CLEC16A: variants seen among roughly 807,000 people sequenced by gnomAD.
CLEC16A encodes protein CLEC16A.
In CLEC16A, 51 loss-of-function variants were observed where a neutral mutation model predicts 109.5. The ratio of observed to expected loss-of-function variants is 0.47; its 90% CI spans 0.37 to 0.59. The LOEUF (loss-of-function observed/expected upper bound fraction) is 0.59. Among genes scored for constraint, CLEC16A ranks in the 20% least tolerant of loss-of-function variants. The pLI is 0.00. For missense variants in CLEC16A, 1,339 were observed against 1,394.0 expected (o/e 0.96, Z 0.63); for synonymous variants, 673 against 564.2 (o/e 1.19, Z -2.73).
In CLEC16A at chr16:11,044,087, A is replaced by G. The variant is rs1043030331; in HGVS notation, c.1815+15A>G. 1 of 1,602,498 alleles carries G rather than the reference A, an allele frequency of 6.2e-7. No individual in the cohort carries two copies. The highest frequency in any genetic ancestry group is 1.1e-5 in the South Asian group (1 of 89,742). ...ATTTTTATAAGGTAATTGGCAGAGC[A>G]CAGATGGACAGCAGCATGGTGTGTA... On this transcript the variant is annotated intron_variant, in intron 16 of 23. Coordinates refer to ENST00000409790, the MANE Select transcript of CLEC16A (RefSeq NM_015226.3).
chr16:11,181,835 C>G lies in CLEC16A; in HGVS notation c.*3145C>G, dbSNP rs2068966481. On this transcript the variant is annotated 3_prime_UTR_variant, in exon 24 of 24. Coordinates refer to ENST00000409790, the MANE Select transcript of CLEC16A (RefSeq NM_015226.3). Reference sequence around the variant, plus strand: ...CAGACGCGCTAGATTCCTCTAAGGTCTCTGAGATGCACCGTTTTTTAAAAA... The same window carrying G: ...CAGACGCGCTAGATTCCTCTAAGGTGTCTGAGATGCACCGTTTTTTAAAAA... 6.6e-6 allele frequency: 1 copy of G among 152,648 alleles called. No homozygotes were observed. The highest frequency in any genetic ancestry group is 2.4e-5 in the African/African-American group (1 of 41,456). 9.5% of individuals were successfully genotyped at this position (152,648 alleles called of 1,614,324 possible).
chr16:11,051,624 G>A lies in CLEC16A; in HGVS notation c.1978G>A (p.Val660Met), dbSNP rs745486316. 6 of 1,613,998 alleles carry A rather than the reference G, an allele frequency of 3.7e-6. No homozygotes were observed. The East Asian group carries it at 1.3e-4, about 36-fold the overall frequency. ...DFVKRLPCGD[V>M]EKTRRAIRVF... Reference sequence around the variant, plus strand: ...CGTGAAGCGGCTGCCGTGTGGCGATGTGGAGAAGACCCGGCGGGTGAGTGA... The same window carrying A: ...CGTGAAGCGGCTGCCGTGTGGCGATATGGAGAAGACCCGGCGGGTGAGTGA... The change falls in exon 18 of 24, where the codon GTG (valine) becomes ATG (methionine). Residue 660 changes from valine (V) to methionine (M), a missense_variant. This residue lies in a region of CLEC16A where 1,061 missense variants were observed against 1,006.8 expected (regional missense o/e 1.05). Transcript: ENST00000409790.
At chr16:10,973,498 A>G (rs1389545525) in intron 7 of CLEC16A, among the ~76,000 whole-genome samples, 1 of 152,194 alleles carries the variant, frequency 6.6e-6, no homozygotes, top group Admixed American at 6.5e-5. Flanking sequence ...TAGGGGCAGA[A>G]AGTAGATTCG....
At chr16:11,062,356 A>G (rs1478260878) in intron 19 of CLEC16A, among the ~76,000 whole-genome samples, 4 of 152,216 alleles carry the variant, frequency 2.6e-5, no homozygotes, top group Admixed American at 6.5e-5. Flanking sequence ...GTATAATTCA[A>G]TGAGTTTTGA....
chr16:11,165,339 A>C (rs1010121914), intron 22 of CLEC16A, among the ~76,000 whole-genome samples: 2 of 152,016 alleles, frequency 1.3e-5, no homozygotes, highest in African/African-American at 4.8e-5. Flanking sequence ...CAAAAAAAAA[A>C]AAATTATTTG....
intron 3 of CLEC16A, among the ~76,000 whole-genome samples, chr16:10,966,802 A>G (rs150684240): frequency 0.016 from 2,483 of 152,250 alleles, 64 homozygotes; most frequent in African/African-American, 0.056. Context: ...CCATGATTCA[A>G]TTATCTCCAC....
At chr16:11,014,205 C>G (rs2045604749) in intron 11 of CLEC16A, among the ~76,000 whole-genome samples, 2 of 152,096 alleles carry the variant, frequency 1.3e-5, no homozygotes, top group African/African-American at 4.8e-5. Context: ...CTTTTCCTTT[C>G]TTACATACAG....
rs1213293840 is a variant in CLEC16A, at chr16:11,174,331, T to C, written c.2807-4004T>C. ...CGCGACGTCCACTCGCCACGCTGCATTTCCACAGTCGGCAGGGTCCGCGCT... is the reference window on the plus strand; with the variant it reads ...CGCGACGTCCACTCGCCACGCTGCACTTCCACAGTCGGCAGGGTCCGCGCT... On this transcript the variant is annotated intron_variant, in intron 23 of 23. Coordinates refer to ENST00000409790, the MANE Select transcript of CLEC16A (RefSeq NM_015226.3). The surrounding 1 kb of genome is among the most constrained non-coding windows in gnomAD (Gnocchi z 4.7). The C allele has an allele frequency of 2.4e-6, 1 of 424,468 alleles. No individual in the cohort carries two copies. The highest frequency in any genetic ancestry group is 2.0e-5 in the African/African-American group (1 of 49,476). 26.3% of individuals were successfully genotyped at this position (424,468 alleles called of 1,614,324 possible). A position where few individuals can be genotyped will look rare whatever the true frequency, so the allele number is the denominator to read the frequency against.
At chr16:11,021,102 C>T (rs2046072711) in intron 12 of CLEC16A, among the ~76,000 whole-genome samples, 1 of 152,222 alleles carries the variant, frequency 6.6e-6, no homozygotes. Context: ...TTCCTCAGCC[C>T]CTAGGGAGGG....
Position 10,944,750 on chromosome 16 carries a change from G to T in CLEC16A, c.33G>T (p.Gly11=), listed in dbSNP as rs1269254261. 7 of 1,609,672 alleles carry T rather than the reference G, an allele frequency of 4.3e-6. No homozygotes were observed. Among genetic ancestry groups the T allele is most frequent in the Non-Finnish European group, 3.4e-6 (4 of 1,178,896 alleles). Residue 11 remains glycine, a synonymous_variant, in exon 1 of 24, where the codon GGG becomes GGT. Coordinates refer to ENST00000409790, the MANE Select transcript of CLEC16A (RefSeq NM_015226.3). MFGRSRSWVG[G]GHGKTSRNIH... is the part of the protein sequence containing the mutation. ...GCCGCTCGCGGAGCTGGGTGGGCGGGGGCCATGGCAAGACTTCCCGCAACA... is the reference window on the plus strand; with the variant it reads ...GCCGCTCGCGGAGCTGGGTGGGCGGTGGCCATGGCAAGACTTCCCGCAACA...
At chr16:11,108,252 G>T (rs76161431) in intron 19 of CLEC16A, among the ~76,000 whole-genome samples, 2 of 152,252 alleles carry the variant, frequency 1.3e-5, no homozygotes, top group Admixed American at 6.5e-5. Flanking sequence ...TCTCCTGCAT[G>T]CCAGGAAGAG....
At chr16:10,962,862 A>G (rs983452630) in intron 3 of CLEC16A, among the ~76,000 whole-genome samples, 6 of 152,178 alleles carry the variant, frequency 3.9e-5, no homozygotes, top group Admixed American at 3.9e-4. Flanking sequence ...GTTTGAGAAC[A>G]GCCTGGACAA....
At chr16:11,165,920 C>A (rs1018289443) in intron 22 of CLEC16A, among the ~76,000 whole-genome samples, 3 of 152,134 alleles carry the variant, frequency 2.0e-5, no homozygotes, top group Admixed American at 2.0e-4. Flanking sequence ...AGGGCACTGT[C>A]CTCCTGCCCG....
intron 19 of CLEC16A, among the ~76,000 whole-genome samples, chr16:11,112,918 C>G (rs1190941878): frequency 6.6e-6 from 1 of 152,168 alleles, no homozygotes; most frequent in Non-Finnish European, 1.5e-5. Context: ...CTTTCATGGT[C>G]CTTAGCCTTC....
intron 7 of CLEC16A, among the ~76,000 whole-genome samples, chr16:10,974,869 C>T (rs889157234): frequency 2.6e-5 from 4 of 152,232 alleles, no homozygotes; most frequent in African/African-American, 9.6e-5. Context: ...ACATCAACCC[C>T]AATTACTGAT....
At chr16:11,160,606 T>C (rs952241799) in intron 22 of CLEC16A, among the ~76,000 whole-genome samples, 1 of 151,522 alleles carries the variant, frequency 6.6e-6, no homozygotes, top group African/African-American at 2.4e-5. Context: ...AGCCAGCCCG[T>C]CCCTTGTCCC....
At chr16:11,070,034 CTCTCCCAGCT>C (rs1349200138) in intron 19 of CLEC16A, among the ~76,000 whole-genome samples, 10 of 151,796 alleles carry the variant, frequency 6.6e-5, no homozygotes, top group Admixed American at 6.6e-4. Flanking sequence ...ATGTTACCTT[CTCTCCCAGCT>C]TCTCCCAGCA....
intron 8 of CLEC16A, among the ~76,000 whole-genome samples, chr16:10,978,344 A>G (rs1186039461): frequency 1.3e-5 from 2 of 152,248 alleles, no homozygotes; most frequent in Non-Finnish European, 2.9e-5. Context: ...AAAGGGCCTC[A>G]GCAGGAGGCA....
intron 7 of CLEC16A, among the ~76,000 whole-genome samples, chr16:10,973,931 G>T: frequency 9.9e-6 from 1 of 100,546 alleles, no homozygotes; most frequent in Non-Finnish European, 1.8e-5. Context: ...ACAGAGTCTT[G>T]CTCTGTCTCC....
Sources: allele counts gnomAD v4.1 joint callset (sites outside exome capture counted in the v4.1 genomes callset), GRCh38; gene constraint gnomAD v4.1.1; regional missense constraint gnomAD v4.1.1; non-coding constraint Gnocchi (gnomAD v3.1); transcripts MANE v1.5; gene names NCBI Gene and HGNC (gene_info 2026-07-23, HGNC 2026-07-21).